Variants in MTMR9 observed in about 807,000 individuals in gnomAD.
MTMR9 encodes myotubularin-related protein 9.
Under a neutral mutation model 69.5 loss-of-function variants are expected in MTMR9, and 39 were observed. That is an observed-to-expected ratio of 0.56 (90% CI 0.43 to 0.73). The LOEUF is 0.73. Ranked by LOEUF, MTMR9 falls within the 30% of genes least tolerant of loss-of-function variation. The pLI is 0.00. For synonymous variants in MTMR9, 354 were observed against 240.8 expected (o/e 1.47, Z -4.35); for missense variants, 900 against 671.2 (o/e 1.34, Z -3.77).
chr8:11,329,840 C>T (rs1416704786), downstream of MTMR9, among the ~76,000 whole-genome samples: 2 of 151,816 alleles, frequency 1.3e-5, no homozygotes, highest in Admixed American at 1.3e-4. Context: ...AGCGCCTCTT[C>T]CTGGCCGCCA....
At chr8:11,331,752 C>A (rs1442810597), downstream of MTMR9, 1 of 1,611,978 alleles carries the variant, frequency 6.2e-7, no homozygotes. Flanking sequence ...TCTGCACTTT[C>A]CCTCCTGCCT....
chr8:11,319,628 C>A (rs1800580254), intron 8 of MTMR9, 59 bp from the exon 9 acceptor site: 1 of 1,541,822 alleles, frequency 6.5e-7, no homozygotes, highest in Non-Finnish European at 8.9e-7. Context: ...GTAAGAGGAG[C>A]ACTCAATAAT....
chr8:11,313,898 G>T (rs1713543084), intron 6 of MTMR9, among the ~76,000 whole-genome samples: 1 of 152,196 alleles, frequency 6.6e-6, no homozygotes, highest in South Asian at 2.1e-4. Flanking sequence ...CATGCTGTTG[G>T]AAAATGGGTG....
intron 6 of MTMR9, 142 bp downstream of exon 6, chr8:11,309,830 G>A (rs1239591101): frequency 2.5e-6 from 2 of 806,860 alleles, no homozygotes; most frequent in Non-Finnish European, 3.8e-6. Context: ...CATTATTGAT[G>A]AGGTGTGTGC....
chr8:11,320,948 C>G (rs75014013), intron 9 of MTMR9: 1 of 152,634 alleles, frequency 6.6e-6, no homozygotes, highest in African/African-American at 2.4e-5. Context: ...CCAGTTGTTA[C>G]GCCGTATTCT....
intron 1 of MTMR9, among the ~76,000 whole-genome samples, chr8:11,290,143 C>A (rs999319396): frequency 6.6e-6 from 1 of 152,096 alleles, no homozygotes; most frequent in Non-Finnish European, 1.5e-5. Context: ...TCTAATTTTT[C>A]CAGTCTGAAG....
chr8:11,314,308 G>A (rs2117438121), intron 6 of MTMR9, among the ~76,000 whole-genome samples: 1 of 152,252 alleles, frequency 6.6e-6, no homozygotes, highest in Non-Finnish European at 1.5e-5. Context: ...GAATAATGGG[G>A]TCCCAGACAC....
chr8:11,328,425 C>T (rs1242974105), downstream of MTMR9, among the ~76,000 whole-genome samples: 2 of 151,628 alleles, frequency 1.3e-5, no homozygotes, highest in Non-Finnish European at 2.9e-5. Context: ...GACATTGTGA[C>T]CCTGTCTTCT....
chr8:11,329,988 C>T (rs1052673319), downstream of MTMR9, among the ~76,000 whole-genome samples: 6 of 151,026 alleles, frequency 4.0e-5, no homozygotes, highest in African/African-American at 1.2e-4. Flanking sequence ...AAGTGAGGAG[C>T]CCCTCCGCCT....
At chr8:11,321,456 G>A (rs572719143) in intron 9 of MTMR9, 3 of 456,464 alleles carry the variant, frequency 6.6e-6, no homozygotes, top group Admixed American at 2.3e-5. Flanking sequence ...TTGGGAGCTG[G>A]GTGGCCTGAA....
At chr8:11,297,325 A>G (rs1799596251) in intron 2 of MTMR9, among the ~76,000 whole-genome samples, 1 of 152,264 alleles carries the variant, frequency 6.6e-6, no homozygotes, top group South Asian at 2.1e-4. Flanking sequence ...ACTTAAGGAA[A>G]TGAGAAGATG....
chr8:11,304,715 T>C, intron 3 of MTMR9, 126 bp from the exon 4 acceptor site: 1 of 911,400 alleles, frequency 1.1e-6, no homozygotes, highest in Non-Finnish European at 1.7e-6. Context: ...GAGATCCACC[T>C]GTGAAATTCC....
Position 11,310,965 on chromosome 8 carries a change from G to A in MTMR9, c.971+1277G>A, listed in dbSNP as rs540148718. Among the ~76,000 whole-genome samples, 9 of 152,142 alleles carry A rather than the reference G, an allele frequency of 5.9e-5. No homozygotes were observed. In the South Asian group the frequency reaches 1.9e-3, roughly 32 times the overall value. On this transcript the variant is annotated intron_variant, in intron 6 of 9. Coordinates refer to ENST00000221086, the MANE Select transcript of MTMR9 (RefSeq NM_015458.4). Reference sequence around the variant, plus strand: ...TTCCAGACTCTTGGGAAGGTTCAGGGTTTTGGTTAATTTTGCCATGTTTGA... The same window carrying A: ...TTCCAGACTCTTGGGAAGGTTCAGGATTTTGGTTAATTTTGCCATGTTTGA...
At chr8:11,321,609 A>C (rs1274584645) in intron 9 of MTMR9, 1 of 415,944 alleles carries the variant, frequency 2.4e-6, no homozygotes, top group Non-Finnish European at 4.9e-6. Context: ...AGCTGGGAGA[A>C]GAAGAAGCTC....
intron 8 of MTMR9, chr8:11,317,521 A>T (rs1475471483): frequency 6.6e-6 from 1 of 152,078 alleles, no homozygotes; most frequent in Admixed American, 6.6e-5. Context: ...TGAGAATCTG[A>T]TGCTGATCTG....
chr8:11,308,450 T>A (rs1156504076), intron 5 of MTMR9, among the ~76,000 whole-genome samples: 1 of 152,270 alleles, frequency 6.6e-6, no homozygotes, highest in African/African-American at 2.4e-5. Context: ...TGTAGCATAT[T>A]TTAAAATCAG....
In MTMR9 at chr8:11,307,587, T is replaced by C. The variant is rs544642274; in HGVS notation, c.809+1180T>C. ...CAGAAGTGGGATTACTGGATCTTAT[T>C]GCAGTTTCATCTTTAATGTTTTGAG... On this transcript the variant is annotated intron_variant, in intron 5 of 9. Transcript: ENST00000221086. 1.1e-3 allele frequency among the ~76,000 whole-genome samples: 169 copies of C among 152,328 alleles called. 1 individual carries two copies. Among genetic ancestry groups the C allele is most frequent in the African/African-American group, 3.5e-3 (146 of 41,580 alleles).
At chr8:11,320,037 C>T (rs1189179391) in intron 9 of MTMR9, 199 bp downstream of exon 9, 2 of 506,514 alleles carry the variant, frequency 3.9e-6, no homozygotes, top group African/African-American at 2.0e-5. Context: ...TTTCAGTTAC[C>T]ATTGAGAAAT....
At chr8:11,338,925 C>T in the MTMR9 span, among the ~76,000 whole-genome samples, 1 of 152,138 alleles carries the variant, frequency 6.6e-6, no homozygotes, top group African/African-American at 2.4e-5. Context: ...GTCCATAGCT[C>T]TTTTGAGGGC....
Sources: gnomAD v4.1 joint callset for allele counts (sites outside exome capture counted in the v4.1 genomes callset) on GRCh38, gnomAD v4.1.1 for gene constraint, MANE v1.5 for transcripts, NCBI Gene and HGNC (gene_info 2026-07-23, HGNC 2026-07-21) for gene names.